DUOX1: variants seen among roughly 807,000 people sequenced by gnomAD.
DUOX1 encodes NADPH thyroid oxidase 1.
Under a neutral mutation model 181.8 loss-of-function variants are expected in DUOX1, and 134 were observed. The ratio of observed to expected loss-of-function variants is 0.74; its 90% confidence interval spans 0.64 to 0.85. The LOEUF (loss-of-function observed/expected upper bound fraction) is 0.85. DUOX1 is among the 40% of genes least tolerant of loss of function. The pLI, the probability that DUOX1 is intolerant of heterozygous loss-of-function variation, is 0.00. For synonymous variants in DUOX1, 798 were observed against 832.5 expected (o/e 0.96, Z 0.71); for missense variants, 1,814 against 2,064.4 (o/e 0.88, Z 2.35).
chr15:45,137,986 G>T lies in DUOX1; in HGVS notation c.1085G>T (p.Arg362Leu). 1 of 1,610,734 alleles carries T rather than the reference G, an allele frequency of 6.2e-7. No individual in the cohort carries two copies. Among genetic ancestry groups the T allele is most frequent in the African/African-American group, 1.3e-5 (1 of 74,834 alleles). The change falls in exon 10 of 34, where the codon CGG (arginine) becomes CTG (leucine). Residue 362 changes from arginine to leucine, a missense_variant. Coordinates refer to ENST00000389037, the MANE Select transcript of DUOX1 (RefSeq NM_175940.3). ...AACTCAAGTGTCTCCAGAGCTCTCCGGGTCTGCAACAGCTACTGGAGCCGT... is the reference window on the plus strand; with the variant it reads ...AACTCAAGTGTCTCCAGAGCTCTCCTGGTCTGCAACAGCTACTGGAGCCGT... ...NRNSSVSRAL[R>L]VCNSYWSREH...
chr15:45,147,635 A>T lies in DUOX1; in HGVS notation c.2525A>T (p.Asp842Val). Residue 842 changes from aspartate to valine, a missense_variant, in exon 19 of 34, where the codon GAC becomes GTC. Asp to Val is a radical substitution (Grantham distance 152). Transcript: ENST00000389037. ...NGYLSFREFL[D>V]ILVVFMKGSP... The stretch of plus-strand genomic sequence containing the variant: ...TACCTGTCCTTCCGAGAGTTCCTGG[A>T]CATCCTGGTGGTCTTCATGAAAGGT... 1 of 1,614,150 alleles carries T rather than the reference A, an allele frequency of 6.2e-7. No individual in the cohort carries two copies. Among genetic ancestry groups the T allele is most frequent in the African/African-American group, 1.3e-5 (1 of 75,038 alleles).
At chr15:45,150,725 G>A (rs776748531) in intron 22 of DUOX1, 24 bp downstream of exon 22, 184 of 1,610,648 alleles carry the variant, frequency 1.1e-4, no homozygotes, top group Non-Finnish European at 1.4e-4. Context: ...TGGGAATGTC[G>A]GGGGGAGGAG....
chr15:45,139,759 T>A (rs529406999), intron 12 of DUOX1, 160 bp downstream of exon 12: 1 of 830,878 alleles, frequency 1.2e-6, no homozygotes, highest in Admixed American at 3.1e-5. Context: ...CATATCAGGA[T>A]GAAGATTACC....
In DUOX1 at chr15:45,163,549, G is replaced by A. The variant is rs765324614; in HGVS notation, c.4266G>A (p.Val1422=). Residue 1422 remains valine (V), a synonymous_variant, in exon 32 of 34, where the codon GTG becomes GTA. Coordinates refer to ENST00000389037, the MANE Select transcript of DUOX1 (RefSeq NM_175940.3). ...GTCCCCAGATCTACTTCATCTGGGT[G>A]ACGCGGACCCAGCGTCAGTTTGAGT... is the stretch of plus-strand genomic sequence containing the variant. The part of the protein sequence containing the change: ...VFCKKIYFIW[V]TRTQRQFEWL... The A allele has an allele frequency of 1.2e-6, 2 of 1,614,168 alleles. No individual in the cohort carries two copies. The highest frequency in any genetic ancestry group is 2.2e-5 in the South Asian group (2 of 91,084).
chr15:45,147,134 A>G (rs115708559), intron 18 of DUOX1, among the ~76,000 whole-genome samples: 513 of 152,282 alleles, frequency 3.4e-3, no homozygotes, highest in African/African-American at 0.012. Flanking sequence ...GCCTTACTTG[A>G]TCTCTAAGTG....
At position 45,139,536 on chromosome 15, in the gene DUOX1, G is replaced by C; in HGVS notation, c.1326G>C (p.Leu442=). The C allele has an allele frequency of 6.2e-7, 1 of 1,612,908 alleles. No homozygotes were observed. The highest frequency in any genetic ancestry group is 8.5e-7 in the Non-Finnish European group (1 of 1,179,620). Residue 442 remains leucine, a synonymous_variant, in exon 12 of 34, where the codon CTG becomes CTC. Coordinates refer to ENST00000389037, the MANE Select transcript of DUOX1 (RefSeq NM_175940.3). ...CTTACACCAAGGCCAGGGCAGCACT[G>C]GGCTTGTCTCCCATTACCCGCTGGC... ...LPSYTKARAA[L]GLSPITRWQD...
At chr15:45,136,280 T>C (rs1896311053) in intron 7 of DUOX1, 70 bp from the exon 8 acceptor site, 1 of 1,608,706 alleles carries the variant, frequency 6.2e-7, no homozygotes, top group African/African-American at 1.3e-5. Context: ...GAAGCCGTCC[T>C]TGGGCTCAGA....
At chr15:45,135,399 A>G in intron 5 of DUOX1, 75 bp from the exon 6 acceptor site, 1 of 1,502,584 alleles carries the variant, frequency 6.7e-7, no homozygotes, top group Admixed American at 2.3e-5. Context: ...CCAGCCGCGG[A>G]CACCCGCCGG....
intron 23 of DUOX1, 122 bp downstream of exon 23, chr15:45,151,370 TG>T (rs1419006194): frequency 7.7e-7 from 1 of 1,299,552 alleles, no homozygotes; most frequent in Non-Finnish European, 1.1e-6. Flanking sequence ...GAATAGTCCT[TG>T]CCCAAGAACA....
intron 12 of DUOX1, 126 bp from the exon 13 acceptor site, chr15:45,140,769 T>A: frequency 1.1e-6 from 1 of 926,066 alleles, no homozygotes; most frequent in Non-Finnish European, 1.7e-6. Context: ...AAGCACTGTA[T>A]AGGAGTGAGT....
At chr15:45,163,768 G>T (rs966162171) in intron 32 of DUOX1, 22 bp from the exon 33 acceptor site, 2 of 1,613,766 alleles carry the variant, frequency 1.2e-6, no homozygotes, top group Non-Finnish European at 1.7e-6. Context: ...GCTGAACTTT[G>T]TTCCACCCTT....
At position 45,152,437 on chromosome 15, in the gene DUOX1, C is replaced by A; in HGVS notation, c.3345C>A (p.Thr1115=). ...ACCTCATCACCTTCCTGCGAGAAACCTTCCTCAACCGCTACGTGCCCTTCG... is the reference window on the plus strand; with the variant it reads ...ACCTCATCACCTTCCTGCGAGAAACATTCCTCAACCGCTACGTGCCCTTCG... ...CRNLITFLRE[T]FLNRYVPFDA... is the part of the protein sequence containing the mutation. Residue 1115 remains threonine (T), a synonymous_variant, in exon 25 of 34, where the codon ACC becomes ACA. Transcript: ENST00000389037. The A allele has an allele frequency of 1.9e-6, 3 of 1,614,232 alleles. No individual in the cohort carries two copies. The highest frequency in any genetic ancestry group is 2.5e-6 in the Non-Finnish European group (3 of 1,180,036).
chr15:45,139,720 G>T (rs1028260636), intron 12 of DUOX1, 121 bp downstream of exon 12: 2 of 1,122,724 alleles, frequency 1.8e-6, no homozygotes, highest in African/African-American at 3.2e-5. Context: ...GAGGGGCAGG[G>T]CTTACCCAGA....
Position 45,148,330 on chromosome 15 carries a change from G to A in DUOX1, c.2701G>A (p.Glu901Lys). 6.2e-7 allele frequency: 1 copy of A among 1,614,216 alleles called. No individual in the cohort carries two copies. Among genetic ancestry groups the A allele is most frequent in the African/African-American group, 1.3e-5 (1 of 75,058 alleles). Residue 901 changes from glutamate (E) to lysine (K), a missense_variant, in exon 21 of 34, where the codon GAG becomes AAG. Glu to Lys is a moderately conservative substitution (Grantham distance 56). Transcript: ENST00000389037. ...LSKAQLAEVVESMFRESGFQD... is the reference protein window; with the variant it reads ...LSKAQLAEVVKSMFRESGFQD... Reference sequence around the variant, plus strand: ...CAAGGCCCAGCTGGCTGAGGTGGTGGAGTCCATGTTCCGGGAGTCGGGATT... The same window carrying A: ...CAAGGCCCAGCTGGCTGAGGTGGTGAAGTCCATGTTCCGGGAGTCGGGATT...
rs112464125 is a variant in DUOX1, at chr15:45,136,318, C to T, written c.865-32C>T. The T allele has an allele frequency of 7.7e-4, 1,239 of 1,612,436 alleles. 3 individuals are homozygous for T. In the African/African-American group the frequency reaches 8.9e-3, roughly 12 times the overall value. On this transcript the variant is annotated intron_variant, in intron 7 of 33. Coordinates refer to ENST00000389037, the MANE Select transcript of DUOX1 (RefSeq NM_175940.3). ...CTTCCAGGTCCCTCCCCATCCAACT[C>T]GTGCCTCCCCTCGCCCCTCTCTGCC...
At position 45,152,413 on chromosome 15, in the gene DUOX1, C is replaced by A. The variant is rs368324338; in HGVS notation, c.3321C>A (p.Asn1107Lys). 6.2e-7 allele frequency: 1 copy of A among 1,614,232 alleles called. No homozygotes were observed. Residue 1107 changes from asparagine (N) to lysine (K), a missense_variant, in exon 25 of 34, where the codon AAC (asparagine) becomes AAA (lysine). Asn to Lys is a moderately conservative substitution (Grantham distance 94). Transcript: ENST00000389037. ...FSYILLTMCR[N>K]LITFLRETFL... ...ACATCTTGCTCACCATGTGCCGCAACCTCATCACCTTCCTGCGAGAAACCT... is the reference window on the plus strand; with the variant it reads ...ACATCTTGCTCACCATGTGCCGCAAACTCATCACCTTCCTGCGAGAAACCT...
At chr15:45,154,053 C>T (rs1896906323) in intron 27 of DUOX1, 53 bp downstream of exon 27, 4 of 1,552,832 alleles carry the variant, frequency 2.6e-6, no homozygotes, top group Non-Finnish European at 3.6e-6. Context: ...GAGTTCAAGG[C>T]TCTGGGTTCT....
In DUOX1 at chr15:45,144,974, G is replaced by A. The variant is rs1353189632; in HGVS notation, c.2216G>A (p.Ser739Asn). 16 of 1,613,968 alleles carry A rather than the reference G, an allele frequency of 9.9e-6. No individual in the cohort carries two copies. The highest frequency in any genetic ancestry group is 1.4e-5 in the Non-Finnish European group (16 of 1,180,016). Residue 739 changes from serine to asparagine, a missense_variant, in exon 18 of 34, where the codon AGC (serine) becomes AAC (asparagine). Around this residue, in one of 5 missense-constraint regions of DUOX1, gnomAD observed 1,064 missense variants for 1,152.9 expected, o/e 0.92. Coordinates refer to ENST00000389037, the MANE Select transcript of DUOX1 (RefSeq NM_175940.3). ...GGAGCTCTGAAGGAGAGCGGGTTGA[G>A]CATCCAGGAGTGGGAGCTGCGGGAG... ...LRGALKESGL[S>N]IQEWELREQE...
chr15:45,136,653 G>C, intron 9 of DUOX1, 28 bp downstream of exon 9: 1 of 1,610,040 alleles, frequency 6.2e-7, no homozygotes, highest in South Asian at 1.1e-5. Flanking sequence ...AGGTGTGTGT[G>C]CTGGGAGGGA....
Sources: gnomAD v4.1 joint callset for allele counts (sites outside exome capture counted in the v4.1 genomes callset) on GRCh38, gnomAD v4.1.1 for gene constraint, gnomAD v4.1.1 regional missense constraint, MANE v1.5 for transcripts, NCBI Gene and HGNC (gene_info 2026-07-23, HGNC 2026-07-21) for gene names.